The following CCDC88C variants were observed in gnomAD, a reference collection of about 807,000 sequenced individuals.
CCDC88C encodes the protein protein Daple.
CCDC88C carries 131 observed loss-of-function variants against 198.8 expected under a neutral mutation model. The ratio of observed to expected loss-of-function variants is 0.66; its 90% confidence interval spans 0.57 to 0.76. CCDC88C has a LOEUF of 0.76. Among genes scored for constraint, CCDC88C ranks in the 30% least tolerant of loss-of-function variants. The probability of loss-of-function intolerance (pLI) is 0.00; values close to 1 mark genes in which losing one functional copy is unlikely to be tolerated. For synonymous variants in CCDC88C, 1,166 were observed against 1,114.7 expected (o/e 1.05, Z -0.92); for missense variants, 2,553 against 2,631.6 (o/e 0.97, Z 0.65).
At chr14:91,293,339 C>T (rs1596031526) in intron 23 of CCDC88C, among the ~76,000 whole-genome samples, 1 of 147,120 alleles carries the variant, frequency 6.8e-6, no homozygotes, top group African/African-American at 2.6e-5. Flanking sequence ...CCAAAGCTCA[C>T]CTTCCTGTCC....
At chr14:91,376,439 GA>G in intron 3 of CCDC88C, among the ~76,000 whole-genome samples, 1 of 152,158 alleles carries the variant, frequency 6.6e-6, no homozygotes, top group East Asian at 1.9e-4. Context: ...ATAGTGAATG[GA>G]AACAGATAGG....
chr14:91,417,639 C>T lies in CCDC88C; in HGVS notation c.52G>A (p.Val18Met). 6 of 1,591,356 alleles carry T rather than the reference C, an allele frequency of 3.8e-6. No individual in the cohort carries two copies. In the South Asian group the frequency reaches 6.8e-5, roughly 18 times the overall value. The change falls in exon 1 of 30, where the codon GTG (valine) becomes ATG (methionine). Residue 18 changes from valine to methionine, a missense_variant. By Grantham distance (21) the Val-to-Met change is conservative. Around this residue, in one of 2 missense-constraint regions of CCDC88C, gnomAD observed 1,260 missense variants for 1,412.0 expected, o/e 0.89. Coordinates refer to ENST00000389857, the MANE Select transcript of CCDC88C (RefSeq NM_001080414.4). The stretch of plus-strand genomic sequence containing the variant: ...GAGCCAGGCGCACTCACCCAGGTCA[C>T]CAGCGGGCTCTGCAGGAAGAGCTCC... ...LLELFLQSPL[V>M]TWVKTFGPFG...
intron 3 of CCDC88C, among the ~76,000 whole-genome samples, chr14:91,377,475 C>A (rs186801821): frequency 2.6e-5 from 4 of 152,228 alleles, no homozygotes; most frequent in Middle Eastern, 3.4e-3. Flanking sequence ...CCCGGCCACC[C>A]GAGCATGGGA....
intron 10 of CCDC88C, among the ~76,000 whole-genome samples, chr14:91,333,865 T>C (rs1447907618): frequency 3.9e-5 from 6 of 152,188 alleles, no homozygotes; most frequent in African/African-American, 1.4e-4. Flanking sequence ...GGGCTGAGAC[T>C]TATGAGAAGC....
intron 3 of CCDC88C, among the ~76,000 whole-genome samples, chr14:91,393,628 T>A (rs1885660691): frequency 6.6e-6 from 1 of 152,204 alleles, no homozygotes; most frequent in Non-Finnish European, 1.5e-5. Context: ...TGCAACTTAG[T>A]CCATTTCCAC....
chr14:91,323,361 C>T (rs907452361), intron 12 of CCDC88C, among the ~76,000 whole-genome samples: 4 of 152,204 alleles, frequency 2.6e-5, no homozygotes, highest in Admixed American at 2.6e-4. Flanking sequence ...CTCACTCATC[C>T]TCACAGTCAT....
At chr14:91,387,151 A>C (rs1309753748) in intron 3 of CCDC88C, among the ~76,000 whole-genome samples, 1 of 152,222 alleles carries the variant, frequency 6.6e-6, no homozygotes, top group African/African-American at 2.4e-5. Context: ...GCCTAACACA[A>C]GGACTTGTTC....
chr14:91,385,110 G>A (rs1016148940), intron 3 of CCDC88C, among the ~76,000 whole-genome samples: 3 of 152,122 alleles, frequency 2.0e-5, no homozygotes, highest in African/African-American at 7.2e-5. Context: ...GACACAGCAC[G>A]CTCAGGTAGT....
In CCDC88C at chr14:91,339,154, C is replaced by T; in HGVS notation, c.809+124G>A. 2 of 1,195,044 alleles carry T rather than the reference C, an allele frequency of 1.7e-6. No individual in the cohort carries two copies. Among genetic ancestry groups the T allele is most frequent in the African/African-American group, 1.5e-5 (1 of 66,294 alleles). The allele number at this position is 1,195,044 out of a possible 1,614,324, so 74.0% of individuals were successfully genotyped here. ...GTCAAAGAGTAAGCTCAGGGCAGAC[C>T]CCAGCTGACTCCGGGGCACACGTCA... On this transcript the variant is annotated intron_variant, in intron 8 of 29. Transcript: ENST00000389857. This position sits in a 1 kb window ranked among gnomAD's most constrained non-coding sequence, Gnocchi z 5.8.
chr14:91,299,028 T>C (rs1029178151), intron 21 of CCDC88C, among the ~76,000 whole-genome samples: 11 of 152,248 alleles, frequency 7.2e-5, no homozygotes, highest in Non-Finnish European at 1.5e-4. Context: ...AGTCACATTC[T>C]ATAAAGTTGC....
intron 4 of CCDC88C, among the ~76,000 whole-genome samples, chr14:91,345,699 A>G (rs1057172231): frequency 7.9e-5 from 12 of 152,124 alleles, no homozygotes; most frequent in African/African-American, 2.9e-4. Context: ...CAGGCCAAAA[A>G]TCCTGTTTCG....
Position 91,371,642 on chromosome 14 carries a change from G to C in CCDC88C, c.271-11931C>G, listed in dbSNP as rs1044398705. Among the ~76,000 whole-genome samples, 14 of 152,138 alleles carry C rather than the reference G, an allele frequency of 9.2e-5. No individual in the cohort carries two copies. The highest frequency in any genetic ancestry group is 3.1e-4 in the African/African-American group (13 of 41,412). Reference sequence around the variant, plus strand: ...TCCTGGGCAGGCACCTATCTGTCCTGGGCACACCCTCCCTAGCTCAGCAGA... The same window carrying C: ...TCCTGGGCAGGCACCTATCTGTCCTCGGCACACCCTCCCTAGCTCAGCAGA... On this transcript the variant is annotated intron_variant, in intron 3 of 29. Transcript: ENST00000389857. The surrounding 1 kb of genome is among the most constrained non-coding windows in gnomAD (Gnocchi z 4.2).
rs1322470475 is a variant in CCDC88C at position 91,313,134 on chromosome 14, C to G, written c.2682G>C (p.Arg894=). Residue 894 remains arginine, a synonymous_variant, in exon 15 of 30, where the codon CGG becomes CGC. Transcript: ENST00000389857. The surrounding 1 kb of genome is among the most constrained non-coding windows in gnomAD (Gnocchi z 5.2). ...GKLKELEKDN[R]DLTKQVTVHA... ...GCACGGTGACTTGCTTGGTGAGGTC[C>G]CGGTTGTCCTTCTCCAGCTCCTTCA... 6.2e-7 allele frequency: 1 copy of G among 1,608,338 alleles called. No homozygotes were observed. Among genetic ancestry groups the G allele is most frequent in the South Asian group, 1.1e-5 (1 of 90,984 alleles).
intron 3 of CCDC88C, among the ~76,000 whole-genome samples, chr14:91,375,525 C>T (rs1245120179): frequency 1.3e-5 from 2 of 152,042 alleles, no homozygotes; most frequent in Non-Finnish European, 2.9e-5. Flanking sequence ...AGAGCGTTTT[C>T]GGGGAAGGAG....
chr14:91,309,891 C>T lies in CCDC88C; in HGVS notation c.2832G>A (p.Leu944=). ...TGCCGCTGTCGTCCTCCTGCAACAG[C>T]AGCTCCCTGTTGAGGCCGACCTTCT... ...ELEKVGLNRE[L]LLQEDDSGSD... The change falls in exon 16 of 30, where the codon CTG becomes CTA. Residue 944 remains leucine (L), a synonymous_variant. Transcript: ENST00000389857. 2 of 1,612,234 alleles carry T rather than the reference C, an allele frequency of 1.2e-6. No homozygotes were observed.
intron 4 of CCDC88C, among the ~76,000 whole-genome samples, chr14:91,344,730 A>C (rs1359325754): frequency 6.7e-6 from 1 of 148,956 alleles, no homozygotes; most frequent in Non-Finnish European, 1.5e-5. Context: ...CAATCTCCTG[A>C]CCTCGTGATC....
intron 10 of CCDC88C, among the ~76,000 whole-genome samples, chr14:91,328,941 G>A (rs542895736): frequency 5.6e-4 from 86 of 152,284 alleles, no homozygotes; most frequent in African/African-American, 2.0e-3. Context: ...AAACAAACAG[G>A]CAGTCTTCCG....
chr14:91,283,988 TTC>T (rs1241785101), intron 25 of CCDC88C, among the ~76,000 whole-genome samples: 2 of 152,312 alleles, frequency 1.3e-5, no homozygotes, highest in African/African-American at 4.8e-5. Flanking sequence ...CCTCACAATA[TTC>T]TGTTTTTTCA....
chr14:91,314,074 C>A lies in CCDC88C; in HGVS notation c.1742G>T (p.Ser581Ile). The change falls in exon 15 of 30, where the codon AGT becomes ATT. Residue 581 changes from serine to isoleucine, a missense_variant. This residue lies in a region of CCDC88C where 1,260 missense variants were observed against 1,412.0 expected (regional missense o/e 0.89). Transcript: ENST00000389857. Reference sequence around the variant, plus strand: ...CTCCACGTCTTTCATGCGGGCCTCACTGCTGACCTGCGACCTCTCCCGCAG... The same window carrying A: ...CTCCACGTCTTTCATGCGGGCCTCAATGCTGACCTGCGACCTCTCCCGCAG... Reference protein sequence around the residue: ...WSLRERSQVSSEARMKDVEKE... With the variant: ...WSLRERSQVSIEARMKDVEKE... 1.9e-6 allele frequency: 3 copies of A among 1,613,906 alleles called. No individual in the cohort carries two copies. The highest frequency in any genetic ancestry group is 1.3e-5 in the African/African-American group (1 of 75,028).
Sources: allele counts gnomAD v4.1 joint callset (sites outside exome capture counted in the v4.1 genomes callset), GRCh38; gene constraint gnomAD v4.1.1; regional missense constraint gnomAD v4.1.1; non-coding constraint Gnocchi (gnomAD v3.1); transcripts MANE v1.5; gene names NCBI Gene and HGNC (gene_info 2026-07-23, HGNC 2026-07-21).